The following REL variants were observed in gnomAD, a reference collection of about 807,000 sequenced individuals.
REL encodes the protein proto-oncogene c-Rel.
A neutral mutation model predicts 45.9 loss-of-function variants in REL; 15 were observed. That is an observed-to-expected ratio of 0.33 (90% CI 0.22 to 0.50). The LOEUF (loss-of-function observed/expected upper bound fraction) is 0.50. Ranked by LOEUF, REL falls within the 20% of genes least tolerant of loss-of-function variation. The probability of loss-of-function intolerance (pLI) is 0.98; values close to 1 mark genes in which losing one functional copy is unlikely to be tolerated. For missense variants in REL, 601 were observed against 715.2 expected, an observed-to-expected ratio of 0.84 and a Z score of 1.82; for synonymous variants, 239 against 242.1, an observed-to-expected ratio of 0.99 and a Z score of 0.12.
At chr2:60,906,905 A>AT in intron 4 of REL, among the ~76,000 whole-genome samples, 2 of 97,726 alleles carry the variant, frequency 2.0e-5, no homozygotes, top group Non-Finnish European at 4.2e-5. Context: ...ATATATATAT[A>AT]TATATATATT....
chr2:60,911,421 T>C (rs1315131509), intron 4 of REL: 1 of 152,200 alleles, frequency 6.6e-6, no homozygotes, highest in African/African-American at 2.4e-5. Context: ...GCATTGGCAA[T>C]TTTTGACAGT....
At chr2:60,890,764 A>T (rs1382250915) in intron 1 of REL, among the ~76,000 whole-genome samples, 1 of 152,216 alleles carries the variant, frequency 6.6e-6, no homozygotes, top group Non-Finnish European at 1.5e-5. Flanking sequence ...TGGAATCATC[A>T]TCACAAGATA....
chr2:60,906,277 G>A (rs188414879), intron 4 of REL, among the ~76,000 whole-genome samples: 1 of 152,012 alleles, frequency 6.6e-6, no homozygotes, highest in Non-Finnish European at 1.5e-5. Flanking sequence ...AAACCATATC[G>A]CCCCACTACA....
intron 4 of REL, among the ~76,000 whole-genome samples, chr2:60,903,048 T>G (rs561378245): frequency 6.6e-6 from 1 of 152,342 alleles, no homozygotes; most frequent in African/African-American, 2.4e-5. Context: ...AAATTGTGAT[T>G]CATTGCCAAA....
At chr2:60,915,866 T>C (rs990018986) in intron 4 of REL, among the ~76,000 whole-genome samples, 4 of 152,196 alleles carry the variant, frequency 2.6e-5, no homozygotes, top group Non-Finnish European at 5.9e-5. Context: ...AATTAAAACA[T>C]TTTTTAAGTT....
intron 1 of REL, among the ~76,000 whole-genome samples, chr2:60,889,011 A>T (rs1673138639): frequency 6.6e-6 from 1 of 152,176 alleles, no homozygotes. Context: ...TAAAATGCAA[A>T]TCTGATCATG....
rs1247312741 is a variant in REL at position 60,924,823 on chromosome 2, A to G, written c.*2288A>G. The G allele has an allele frequency of 4.8e-6, 1 of 208,086 alleles. No homozygotes were observed. 12.9% of individuals were successfully genotyped at this position (208,086 alleles called of 1,614,324 possible). A position where few individuals can be genotyped will look rare whatever the true frequency, so the allele number is the denominator to read the frequency against. On this transcript the variant is annotated 3_prime_UTR_variant, in exon 10 of 10. Coordinates refer to ENST00000394479, the MANE Select transcript of REL (RefSeq NM_001291746.2). ...AGCTGAATGCTGGGTAATCTCTACT[A>G]GCTCCTTAATCAGATTTAAAATTCT...
intron 1 of REL, among the ~76,000 whole-genome samples, chr2:60,886,170 A>G (rs1673066528): frequency 1.3e-5 from 2 of 152,224 alleles, no homozygotes; most frequent in Admixed American, 6.5e-5. Flanking sequence ...TTTTTCAGCA[A>G]CGTGTATCTG....
At chr2:60,882,253 A>G (rs1298857648) in intron 1 of REL, among the ~76,000 whole-genome samples, 1 of 152,224 alleles carries the variant, frequency 6.6e-6, no homozygotes, top group Non-Finnish European at 1.5e-5. Flanking sequence ...GTTTAATTTC[A>G]TCAAATGCAA....
At position 60,916,346 on chromosome 2, in the gene REL, G is replaced by A. The variant is rs560525721; in HGVS notation, c.395-531G>A. 2.6e-5 allele frequency among the ~76,000 whole-genome samples: 4 copies of A among 152,270 alleles called. No homozygotes were observed. The South Asian group carries it at 6.2e-4, about 24-fold the overall frequency. ...GGAAGATCACTTGAGCCTGGGAGGC[G>A]GAGGTTGAGGTGAACCAAAATCGCA... On this transcript the variant is annotated intron_variant, in intron 4 of 9. Coordinates refer to ENST00000394479, the MANE Select transcript of REL (RefSeq NM_001291746.2).
At position 60,905,220 on chromosome 2, in the gene REL, G is replaced by A. The variant is rs201740385; in HGVS notation, c.394+4137G>A. On this transcript the variant is annotated intron_variant, in intron 4 of 9. Coordinates refer to ENST00000394479, the MANE Select transcript of REL (RefSeq NM_001291746.2). ...CACCATTCTCCTGCCTCAGCCTCCC[G>A]AGTAGCTGGGACTATAGGCACCCGC... is the stretch of plus-strand genomic sequence containing the variant. 9.9e-5 allele frequency among the ~76,000 whole-genome samples: 15 copies of A among 152,062 alleles called. No homozygotes were observed. In the East Asian group the frequency reaches 1.7e-3, roughly 18 times the overall value.
chr2:60,900,902 C>A, intron 3 of REL, 90 bp from the exon 4 acceptor site: 3 of 1,058,384 alleles, frequency 2.8e-6, no homozygotes, highest in East Asian at 2.7e-5. Context: ...CAACTGACAG[C>A]ATGATAACTT....
intron 1 of REL, among the ~76,000 whole-genome samples, chr2:60,889,549 G>A (rs191055519): frequency 6.6e-6 from 1 of 151,762 alleles, no homozygotes; most frequent in African/African-American, 2.4e-5. Context: ...GTGCCATGTT[G>A]GTGTGCTGCA....
chr2:60,893,593 G>A (rs747131968), intron 2 of REL, among the ~76,000 whole-genome samples: 9 of 152,094 alleles, frequency 5.9e-5, no homozygotes, highest in Admixed American at 1.3e-4. Context: ...ATAGTCTTGA[G>A]CAATTACCTT....
chr2:60,921,389 G>A (rs1047061697), intron 9 of REL, among the ~76,000 whole-genome samples: 8 of 152,090 alleles, frequency 5.3e-5, no homozygotes, highest in African/African-American at 1.9e-4. Context: ...AAAGTGAAGA[G>A]TAAGAGATGA....
Position 60,881,793 on chromosome 2 carries a change from G to C in REL, c.-48G>C, listed in dbSNP as rs1313610033. 5.2e-6 allele frequency: 8 copies of C among 1,527,518 alleles called. No homozygotes were observed. Among genetic ancestry groups the C allele is most frequent in the Non-Finnish European group, 7.0e-6 (8 of 1,138,414 alleles). 94.6% of individuals were successfully genotyped at this position (1,527,518 alleles called of 1,614,324 possible). On this transcript the variant is annotated 5_prime_UTR_variant, in exon 1 of 10. Transcript: ENST00000394479. The stretch of plus-strand genomic sequence containing the variant: ...TGACTGACTGACTGCGGCCGCCTCC[G>C]GCCAGGACGCTGGGAGCTGCCTGCG...
At chr2:60,896,445 T>C (rs1422056483) in intron 3 of REL, among the ~76,000 whole-genome samples, 1 of 152,172 alleles carries the variant, frequency 6.6e-6, no homozygotes, top group Non-Finnish European at 1.5e-5. Context: ...ATTGTAGGGT[T>C]TTATGTTTTT....
chr2:60,893,414 C>G (rs1367772536), intron 2 of REL, among the ~76,000 whole-genome samples: 1 of 152,018 alleles, frequency 6.6e-6, no homozygotes, highest in East Asian at 1.9e-4. Flanking sequence ...GGATGAGATG[C>G]TAATAAAAAG....
chr2:60,921,356 C>T (rs1248595906), intron 9 of REL, among the ~76,000 whole-genome samples: 1 of 152,078 alleles, frequency 6.6e-6, no homozygotes, highest in Non-Finnish European at 1.5e-5. Context: ...TGAGTGTTGT[C>T]TCCATCCTTC....
Sources: allele counts gnomAD v4.1 joint callset (sites outside exome capture counted in the v4.1 genomes callset), GRCh38; gene constraint gnomAD v4.1.1; transcripts MANE v1.5; gene names NCBI Gene and HGNC (gene_info 2026-07-23, HGNC 2026-07-21).